The following KLHL6 variants were observed in gnomAD, a reference collection of about 807,000 sequenced individuals.
KLHL6 encodes kelch-like protein 6.
KLHL6 carries 41 observed loss-of-function variants against 58.6 expected under a neutral mutation model. That is an observed-to-expected ratio of 0.70 (90% CI 0.55 to 0.91). The LOEUF is 0.91. Ranked by LOEUF, KLHL6 falls within the 40% of genes least tolerant of loss-of-function variation. The probability of loss-of-function intolerance (pLI) is 0.00; values close to 1 mark genes in which losing one functional copy is unlikely to be tolerated. For synonymous variants in KLHL6, 338 were observed against 322.7 expected (o/e 1.05, Z -0.51); for missense variants, 714 against 805.6 (o/e 0.89, Z 1.38).
chr3:183,505,815 C>A (rs571785464), intron 3 of KLHL6, among the ~76,000 whole-genome samples: 6 of 152,250 alleles, frequency 3.9e-5, no homozygotes, highest in Admixed American at 3.9e-4. Context: ...CTTTGAGACA[C>A]AAACTATCAA....
At chr3:183,532,520 G>A (rs927360216) in intron 1 of KLHL6, among the ~76,000 whole-genome samples, 6 of 152,212 alleles carry the variant, frequency 3.9e-5, no homozygotes, top group Non-Finnish European at 5.9e-5. Flanking sequence ...AACAGTCTAC[G>A]AGGGGCCATA....
intron 1 of KLHL6, among the ~76,000 whole-genome samples, chr3:183,537,733 G>A (rs1013886789): frequency 6.6e-6 from 1 of 152,034 alleles, no homozygotes; most frequent in South Asian, 2.1e-4. Context: ...CTCACCTCAG[G>A]TCTCTGCCAA....
intron 1 of KLHL6, 111 bp downstream of exon 1, chr3:183,555,250 A>C (rs571925179): frequency 1.3e-6 from 1 of 779,994 alleles, no homozygotes; most frequent in South Asian, 1.7e-5. Context: ...GCCTTAATAT[A>C]TATGTAAACC....
intron 1 of KLHL6, among the ~76,000 whole-genome samples, chr3:183,529,420 A>C (rs1712085560): frequency 1.3e-5 from 2 of 152,122 alleles, no homozygotes; most frequent in African/African-American, 2.4e-5. Context: ...GGTCCTTCCC[A>C]GGGAATGTGT....
chr3:183,518,039 C>G (rs987070821), intron 2 of KLHL6, among the ~76,000 whole-genome samples: 3 of 152,182 alleles, frequency 2.0e-5, no homozygotes, highest in Non-Finnish European at 4.4e-5. Flanking sequence ...GAATACTTTT[C>G]TCCCAATCCT....
chr3:183,506,699 A>G (rs1258077674), intron 3 of KLHL6, among the ~76,000 whole-genome samples: 1 of 152,012 alleles, frequency 6.6e-6, no homozygotes, highest in African/African-American at 2.4e-5. Context: ...GTGGTAGCAC[A>G]TGCCTGTACT....
At chr3:183,528,194 GC>G (rs1254533664) in intron 1 of KLHL6, among the ~76,000 whole-genome samples, 184 bp from the exon 2 acceptor site, 3 of 152,108 alleles carry the variant, frequency 2.0e-5, no homozygotes, top group Non-Finnish European at 4.4e-5. Context: ...TACTTACCGA[GC>G]TGAACTGAAC....
intron 1 of KLHL6, among the ~76,000 whole-genome samples, chr3:183,532,519 C>G (rs189599487): frequency 6.6e-6 from 1 of 152,166 alleles, no homozygotes; most frequent in Admixed American, 6.5e-5. Flanking sequence ...TAACAGTCTA[C>G]GAGGGGCCAT....
chr3:183,525,269 A>AAAACACACACACACACACACACAC (rs55871319), intron 2 of KLHL6, among the ~76,000 whole-genome samples: 8 of 133,866 alleles, frequency 6.0e-5, no homozygotes, highest in African/African-American at 2.2e-4. Flanking sequence ...CTAAAAAAAA[A>AAAACACACACACACACACACACAC]ACACACACAC....
intron 5 of KLHL6, 140 bp downstream of exon 5, chr3:183,493,939 G>C (rs983789111): frequency 1.3e-6 from 1 of 747,660 alleles, no homozygotes; most frequent in African/African-American, 1.7e-5. Context: ...GAGGAGGGAA[G>C]CTCAGAGCCA....
chr3:183,528,162 T>A, intron 1 of KLHL6, 152 bp from the exon 2 acceptor site: 3 of 767,334 alleles, frequency 3.9e-6, no homozygotes, highest in Non-Finnish European at 6.5e-6. Flanking sequence ...CAGCACCCCC[T>A]ACGCATTAGA....
At position 183,534,933 on chromosome 3, in the gene KLHL6, CATAT is replaced by C. The variant is rs377650262; in HGVS notation, c.294-6927_294-6924del. On this transcript the variant is annotated intron_variant, in intron 1 of 6. Transcript: ENST00000341319. Reference sequence around the variant, plus strand: ...ATGTATATATGTATGCATATATATACATATATATATATATATATTTTTTTTTTTT... The same window carrying C: ...ATGTATATATGTATGCATATATATACATATATATATATATTTTTTTTTTTT... 8.3e-4 allele frequency among the ~76,000 whole-genome samples: 115 copies of C among 137,828 alleles called. 9 individuals are homozygous for C. The highest frequency in any genetic ancestry group is 2.2e-3 in the South Asian group (10 of 4,490). The allele number at this position is 137,828 out of a possible 152,430, so 90.4% of individuals were successfully genotyped here. A position where few individuals can be genotyped will look rare whatever the true frequency, so the allele number is the denominator to read the frequency against.
At chr3:183,523,709 T>TTC (rs1711849719) in intron 2 of KLHL6, among the ~76,000 whole-genome samples, 1 of 151,732 alleles carries the variant, frequency 6.6e-6, no homozygotes, top group Non-Finnish European at 1.5e-5. Flanking sequence ...TTTGTTTTTT[T>TTC]TCCATAAGTT....
intron 1 of KLHL6, among the ~76,000 whole-genome samples, chr3:183,537,772 G>A (rs374445225): frequency 2.0e-5 from 3 of 152,020 alleles, no homozygotes; most frequent in Admixed American, 6.6e-5. Flanking sequence ...GGCTCTCCCC[G>A]ACACTCCCCC....
rs745727118 is a variant in KLHL6, at chr3:183,494,134, A to C, written c.1295T>G (p.Leu432Ter). Residue 432 changes from leucine (L) to a stop codon, truncating the protein, a stop_gained, in exon 5 of 7, where the codon TTA (leucine) becomes TGA (stop). Transcript: ENST00000341319. LOFTEE classifies it high-confidence loss of function. ...GGTCTCCACATTGTTGATTCTCTGTAAGCCGTCAAAGCCTCCGATCACATA... is the reference window on the plus strand; with the variant it reads ...GGTCTCCACATTGTTGATTCTCTGTCAGCCGTCAAAGCCTCCGATCACATA... ...KVYVIGGFDG[L>*]QRINNVETYD... The C allele has an allele frequency of 1.9e-6, 3 of 1,614,082 alleles. No individual in the cohort carries two copies. The highest frequency in any genetic ancestry group is 2.5e-6 in the Non-Finnish European group (3 of 1,180,040).
rs1717561763 is a variant in KLHL6, at chr3:183,491,788, C to T, written c.*139G>A. 1.5e-6 allele frequency: 1 copy of T among 681,384 alleles called. No homozygotes were observed. The highest frequency in any genetic ancestry group is 1.8e-5 in the African/African-American group (1 of 54,564). The allele number at this position is 681,384 out of a possible 1,614,324, so 42.2% of individuals were successfully genotyped here. A position where few individuals can be genotyped will look rare whatever the true frequency, so the allele number is the denominator to read the frequency against. Reference sequence around the variant, plus strand: ...ACCCCAAACTGTGACTTCCAAGGTTCCCCCAAAGTGAGTCAAGGGGATCCC... The same window carrying T: ...ACCCCAAACTGTGACTTCCAAGGTTTCCCCAAAGTGAGTCAAGGGGATCCC... On this transcript the variant is annotated 3_prime_UTR_variant, in exon 7 of 7. Coordinates refer to ENST00000341319, the MANE Select transcript of KLHL6 (RefSeq NM_130446.4).
Position 183,492,268 on chromosome 3 carries a change from T to A in KLHL6, c.1565-40A>T. 6.6e-7 allele frequency: 1 copy of A among 1,515,514 alleles called. No homozygotes were observed. The highest frequency in any genetic ancestry group is 2.3e-5 in the East Asian group (1 of 42,560). 93.9% of individuals were successfully genotyped at this position (1,515,514 alleles called of 1,614,324 possible). On this transcript the variant is annotated intron_variant, in intron 6 of 6. Transcript: ENST00000341319. This position sits in a 1 kb window ranked among gnomAD's most constrained non-coding sequence, Gnocchi z 5.9. ...GAAACACGGTGGGCATCGCTCCATT[T>A]TTCTGGTTTCTTCCCTCTTAACCAC...
At chr3:183,512,645 C>T (rs945140152) in intron 2 of KLHL6, among the ~76,000 whole-genome samples, 4 of 151,996 alleles carry the variant, frequency 2.6e-5, no homozygotes, top group African/African-American at 9.7e-5. Flanking sequence ...ACATGTGCCA[C>T]CACACCCAGC....
At chr3:183,551,776 G>T (rs532385569) in intron 1 of KLHL6, among the ~76,000 whole-genome samples, 10 of 152,240 alleles carry the variant, frequency 6.6e-5, no homozygotes, top group African/African-American at 2.2e-4. Context: ...AGCCTTTGGC[G>T]CATGAGACAG....
Sources: gnomAD v4.1 joint callset for allele counts (sites outside exome capture counted in the v4.1 genomes callset) on GRCh38, gnomAD v4.1.1 for gene constraint, Gnocchi (gnomAD v3.1) non-coding constraint, MANE v1.5 for transcripts, NCBI Gene and HGNC (gene_info 2026-07-23, HGNC 2026-07-21) for gene names.